The following RPA3 variants were observed in gnomAD, a reference collection of about 807,000 sequenced individuals.
RPA3 encodes the protein replication protein A3, also known as replication protein A 14 kDa subunit.
In RPA3, 24 loss-of-function variants were observed where a neutral mutation model predicts 13.7. The observed-to-expected ratio is 1.75, with a 90% CI of 1.27 to 2.46. The LOEUF is 2.46. Among genes scored for constraint, RPA3 ranks in the 30% most tolerant of loss-of-function variants. The pLI is 0.00. For synonymous variants in RPA3, 59 were observed against 51.2 expected (o/e 1.15, Z -0.65); for missense variants, 183 against 151.0 (o/e 1.21, Z -1.11).
rs1780865894 is a variant in RPA3 at position 7,715,132 on chromosome 7, TATGCACCTTCAGC to T, written c.-1028+30_-1028+42del. 2 of 152,338 alleles carry T rather than the reference TATGCACCTTCAGC, an allele frequency of 1.3e-5. 1 individual carries two copies. Among genetic ancestry groups the T allele is most frequent in the South Asian group, 4.1e-4 (2 of 4,828 alleles). The allele number at this position is 152,338 out of a possible 1,614,324, so 9.4% of individuals were successfully genotyped here. A position where few individuals can be genotyped will look rare whatever the true frequency, so the allele number is the denominator to read the frequency against. ...GAATTATAGAATATCTCACCATTAA[TATGCACCTTCAGC>T]ATAGAAACAGTTAAAGAAAATAAAC... is the stretch of plus-strand genomic sequence containing the variant. On this transcript the variant is annotated intron_variant, in intron 2 of 7. Transcript: ENST00000223129.
chr7:7,644,604 G>A (rs921112296), intron 4 of RPA3, among the ~76,000 whole-genome samples: 1 of 152,070 alleles, frequency 6.6e-6, no homozygotes, highest in East Asian at 1.9e-4. Flanking sequence ...TTTAATTTCA[G>A]TTGTCCTAAT....
Position 7,640,589 on chromosome 7 carries a change from G to C in RPA3, c.-171C>G, listed in dbSNP as rs941682539. The C allele has an allele frequency of 7.9e-6, 5 of 632,346 alleles. No individual in the cohort carries two copies. Among genetic ancestry groups the C allele is most frequent in the Admixed American group, 5.3e-5 (2 of 37,400 alleles). The allele number at this position is 632,346 out of a possible 1,614,324, so 39.2% of individuals were successfully genotyped here. On this transcript the variant is annotated 5_prime_UTR_variant, in exon 5 of 8. Transcript: ENST00000223129. ...ATCGCAATCGCGCTGTCTCTGAAAG[G>C]GGTGGAGAAGGGGCTGGATGAGTCC...
At chr7:7,677,963 G>A (rs1202105157) in intron 4 of RPA3, among the ~76,000 whole-genome samples, 4 of 151,992 alleles carry the variant, frequency 2.6e-5, no homozygotes, top group Middle Eastern at 3.4e-3. Context: ...GTGAGCCACC[G>A]CGCCCGGCCT....
chr7:7,640,231 C>T (rs1358613069), intron 5 of RPA3, 89 bp downstream of exon 5: 3 of 1,368,424 alleles, frequency 2.2e-6, no homozygotes, highest in East Asian at 4.6e-5. Flanking sequence ...TGATCGGAGG[C>T]TTTCCGTCCT....
chr7:7,696,790 C>A (rs974998153), intron 2 of RPA3, among the ~76,000 whole-genome samples: 6 of 152,124 alleles, frequency 3.9e-5, no homozygotes, highest in Admixed American at 1.3e-4. Context: ...TAGGTAGGGC[C>A]CTGTGAAACC....
intron 4 of RPA3, among the ~76,000 whole-genome samples, chr7:7,650,486 G>GAT (rs1320890971): frequency 4.0e-4 from 61 of 152,132 alleles, no homozygotes; most frequent in Non-Finnish European, 6.6e-4. Context: ...TGATTTTGCT[G>GAT]TAGGCTTACA....
At chr7:7,698,915 T>A (rs1780382796) in intron 2 of RPA3, among the ~76,000 whole-genome samples, 1 of 149,678 alleles carries the variant, frequency 6.7e-6, no homozygotes, top group South Asian at 2.1e-4. Flanking sequence ...GTTGCCCAGG[T>A]CTGATAACAG....
intron 4 of RPA3, among the ~76,000 whole-genome samples, chr7:7,663,182 TAA>T (rs35538283): frequency 6.9e-6 from 1 of 144,334 alleles, no homozygotes. Flanking sequence ...TTCATTCCAT[TAA>T]AAAAAAAAAG....
chr7:7,649,705 A>G (rs1010197838), intron 4 of RPA3, among the ~76,000 whole-genome samples: 2 of 150,498 alleles, frequency 1.3e-5, no homozygotes, highest in Non-Finnish European at 2.9e-5. Flanking sequence ...CCCACCCTAC[A>G]AATTTTAACC....
chr7:7,690,013 T>C (rs1303622320), intron 2 of RPA3, among the ~76,000 whole-genome samples: 1 of 152,202 alleles, frequency 6.6e-6, no homozygotes, highest in Non-Finnish European at 1.5e-5. Flanking sequence ...TTAGATGATA[T>C]ATTCCACATT....
At chr7:7,648,306 C>G (rs1270498112) in intron 4 of RPA3, among the ~76,000 whole-genome samples, 3 of 152,170 alleles carry the variant, frequency 2.0e-5, no homozygotes, top group Admixed American at 2.0e-4. Context: ...CTTAAGTTTT[C>G]TCCAGTAAAC....
chr7:7,694,164 C>A (rs1780248421), intron 2 of RPA3, among the ~76,000 whole-genome samples: 1 of 152,072 alleles, frequency 6.6e-6, no homozygotes, highest in Non-Finnish European at 1.5e-5. Flanking sequence ...AGGAATGAAG[C>A]ATGTTTTCTT....
chr7:7,679,486 TATAG>T (rs1248043323), intron 4 of RPA3, among the ~76,000 whole-genome samples: 1 of 9,572 alleles, frequency 1.0e-4, no homozygotes, highest in Non-Finnish European at 1.5e-4. Flanking sequence ...ATATTTAATT[TATAG>T]ATAAATATAT....
chr7:7,671,043 A>AAC (rs1255998720), intron 4 of RPA3, among the ~76,000 whole-genome samples: 2 of 152,314 alleles, frequency 1.3e-5, no homozygotes, highest in African/African-American at 4.8e-5. Context: ...TTGGGGGCTG[A>AAC]ACAGTTTTCT....
intron 4 of RPA3, among the ~76,000 whole-genome samples, chr7:7,642,794 C>G (rs1785004327): frequency 6.6e-6 from 1 of 152,144 alleles, no homozygotes; most frequent in Non-Finnish European, 1.5e-5. Flanking sequence ...CCCAATGAAG[C>G]CCTCCTTGCT....
chr7:7,684,173 A>T (rs1428649288), intron 4 of RPA3, among the ~76,000 whole-genome samples: 1 of 152,300 alleles, frequency 6.6e-6, no homozygotes, highest in Middle Eastern at 3.4e-3. Context: ...TAATGACAAG[A>T]AAAGAAGCCT....
chr7:7,693,245 T>A (rs990914085), intron 2 of RPA3, among the ~76,000 whole-genome samples: 1 of 152,176 alleles, frequency 6.6e-6, no homozygotes, highest in African/African-American at 2.4e-5. Flanking sequence ...CAGTATACAA[T>A]TCACCAAACA....
intron 2 of RPA3, among the ~76,000 whole-genome samples, chr7:7,696,253 A>C (rs1039389180): frequency 2.0e-5 from 3 of 151,464 alleles, no homozygotes; most frequent in Non-Finnish European, 4.4e-5. Flanking sequence ...TTGAACTCAT[A>C]CAAGACTCAC....
chr7:7,694,525 C>G (rs927193978), intron 2 of RPA3, among the ~76,000 whole-genome samples: 1 of 151,936 alleles, frequency 6.6e-6, no homozygotes, highest in African/African-American at 2.4e-5. Context: ...CCATTCCCCA[C>G]CCCACCCCCA....
Sources: gnomAD v4.1 joint callset for allele counts (sites outside exome capture counted in the v4.1 genomes callset) on GRCh38, gnomAD v4.1.1 for gene constraint, MANE v1.5 for transcripts, NCBI Gene and HGNC (gene_info 2026-07-23, HGNC 2026-07-21) for gene names.